SNX18: variants seen among roughly 807,000 people sequenced by gnomAD.
SNX18 encodes sorting nexin-18.
SNX18 carries 35 observed loss-of-function variants against 48.7 expected under a neutral mutation model. The ratio of observed to expected loss-of-function variants is 0.72; its 90% CI spans 0.55 to 0.95. The LOEUF (loss-of-function observed/expected upper bound fraction) is 0.95. SNX18 is among the 40% of genes least tolerant of loss of function. SNX18 has a pLI of 0.00. For synonymous variants in SNX18, 492 were observed against 384.7 expected, an observed-to-expected ratio of 1.28 and a Z score of -3.26; for missense variants, 824 against 871.0, an observed-to-expected ratio of 0.95 and a Z score of 0.68.
chr5:54,639,432 T>C, the SNX18 span, among the ~76,000 whole-genome samples: 3 of 152,204 alleles, frequency 2.0e-5, no homozygotes, highest in African/African-American at 7.2e-5. Context: ...AATGAACAGA[T>C]GGACAAATGA....
At chr5:54,534,519 C>G (rs1196915089) in intron 1 of SNX18, among the ~76,000 whole-genome samples, 1 of 151,746 alleles carries the variant, frequency 6.6e-6, no homozygotes, top group Non-Finnish European at 1.5e-5. Context: ...CAGGGCCTTG[C>G]CTGGTTAAAA....
At chr5:54,538,096 G>T (rs1165505588) in intron 1 of SNX18, among the ~76,000 whole-genome samples, 1 of 152,178 alleles carries the variant, frequency 6.6e-6, no homozygotes, top group Non-Finnish European at 1.5e-5. Flanking sequence ...TTTTGAATAT[G>T]AAGATAATTG....
the SNX18 span, chr5:54,644,635 G>T: frequency 6.6e-6 from 1 of 152,230 alleles, no homozygotes; most frequent in East Asian, 1.9e-4. Flanking sequence ...TGTCAGATGG[G>T]CTCCTCCTGA....
At chr5:54,562,884 G>A in the SNX18 span, among the ~76,000 whole-genome samples, 1 of 152,328 alleles carries the variant, frequency 6.6e-6, no homozygotes, top group East Asian at 1.9e-4. Flanking sequence ...TTCCAGTGGG[G>A]CAAGATGTGG....
chr5:54,563,668 C>T, the SNX18 span, among the ~76,000 whole-genome samples: 2 of 152,168 alleles, frequency 1.3e-5, no homozygotes, highest in African/African-American at 4.8e-5. Flanking sequence ...GATGCTCCAC[C>T]TTTCTGATCC....
intron 1 of SNX18, among the ~76,000 whole-genome samples, chr5:54,528,911 C>T (rs919494939): frequency 2.0e-5 from 3 of 152,146 alleles, no homozygotes; most frequent in Non-Finnish European, 2.9e-5. Flanking sequence ...AAATGGGGCC[C>T]CACCCTGGAT....
chr5:54,521,419 G>C (rs1205255310), intron 1 of SNX18, among the ~76,000 whole-genome samples: 1 of 152,192 alleles, frequency 6.6e-6, no homozygotes, highest in African/African-American at 2.4e-5. Context: ...TAAACCATCT[G>C]GTTATGGCCA....
chr5:54,588,491 C>T, the SNX18 span, among the ~76,000 whole-genome samples: 1 of 151,846 alleles, frequency 6.6e-6, no homozygotes, highest in Non-Finnish European at 1.5e-5. Context: ...CCACGCCTAA[C>T]TAATTTTTTG....
the SNX18 span, among the ~76,000 whole-genome samples, chr5:54,555,567 G>A: frequency 6.6e-6 from 1 of 152,116 alleles, no homozygotes; most frequent in East Asian, 1.9e-4. Flanking sequence ...AGGTGTGGTG[G>A]TTCATGCCTG....
chr5:54,585,125 C>G, the SNX18 span, among the ~76,000 whole-genome samples: 29,973 of 151,718 alleles, frequency 0.2, 3,012 homozygotes, highest in South Asian at 0.3. Flanking sequence ...GATCCCATCT[C>G]TACAATAAAT....
the SNX18 span, among the ~76,000 whole-genome samples, chr5:54,562,635 G>A: frequency 6.6e-6 from 1 of 152,154 alleles, no homozygotes; most frequent in Non-Finnish European, 1.5e-5. Context: ...CGTGTGAAGG[G>A]ATAACACAAC....
the SNX18 span, among the ~76,000 whole-genome samples, chr5:54,565,893 T>C: frequency 1.3e-5 from 2 of 152,220 alleles, no homozygotes; most frequent in African/African-American, 4.8e-5. Context: ...CCAATGAACA[T>C]GTTCCCATTT....
rs1213722808 is a variant in SNX18 at position 54,546,462 on chromosome 5, CAG to C, written c.*3031_*3032del. The C allele has an allele frequency of 2.0e-5, 3 of 152,100 alleles. No individual in the cohort carries two copies. Among genetic ancestry groups the C allele is most frequent in the African/African-American group, 7.2e-5 (3 of 41,430 alleles). The allele number at this position is 152,100 out of a possible 1,614,324, so 9.4% of individuals were successfully genotyped here. On this transcript the variant is annotated 3_prime_UTR_variant, in exon 2 of 2. Coordinates refer to ENST00000381410, the MANE Select transcript of SNX18 (RefSeq NM_001102575.2). ...TCTTTGGTTAACAGAATAAGTAAAA[CAG>C]GGTATTATTTATTTGTAGTCTAGAA...
chr5:54,613,912 C>G, the SNX18 span, among the ~76,000 whole-genome samples: 1 of 152,122 alleles, frequency 6.6e-6, no homozygotes, highest in African/African-American at 2.4e-5. Context: ...TCAGGTTGGT[C>G]TCGAACTCCC....
At chr5:54,646,917 C>T in the SNX18 span, among the ~76,000 whole-genome samples, 2 of 152,198 alleles carry the variant, frequency 1.3e-5, no homozygotes, top group Non-Finnish European at 2.9e-5. Context: ...AGCTGTGCTG[C>T]CTTTCTCCAA....
chr5:54,555,353 TC>T, the SNX18 span, among the ~76,000 whole-genome samples: 1 of 151,906 alleles, frequency 6.6e-6, no homozygotes, highest in African/African-American at 2.4e-5. Context: ...TTTCCAGTGT[TC>T]AGCATAGTAC....
the SNX18 span, among the ~76,000 whole-genome samples, chr5:54,584,623 T>C: frequency 6.6e-6 from 1 of 152,108 alleles, no homozygotes; most frequent in Non-Finnish European, 1.5e-5. Context: ...TACAAAAAAA[T>C]ATGAACAACA....
chr5:54,612,787 A>G, the SNX18 span, among the ~76,000 whole-genome samples: 2 of 152,108 alleles, frequency 1.3e-5, no homozygotes, highest in African/African-American at 4.8e-5. Flanking sequence ...GCCAAGGACA[A>G]ACTCTGACTC....
chr5:54,541,738 C>A (rs114697381), intron 1 of SNX18, among the ~76,000 whole-genome samples: 4,975 of 152,226 alleles, frequency 0.033, 127 homozygotes, highest in Admixed American at 0.085. Context: ...TATGTGCACA[C>A]CTACACGTAC....
Sources: allele counts gnomAD v4.1 joint callset (sites outside exome capture counted in the v4.1 genomes callset), GRCh38; gene constraint gnomAD v4.1.1; transcripts MANE v1.5; gene names NCBI Gene and HGNC (gene_info 2026-07-23, HGNC 2026-07-21).